Variants in MARK1 observed in about 807,000 individuals in gnomAD.
The protein encoded by MARK1 is serine/threonine-protein kinase MARK1.
Under a neutral mutation model 96.3 loss-of-function variants are expected in MARK1, and 40 were observed. The observed-to-expected ratio is 0.42, with a 90% CI of 0.32 to 0.54. The LOEUF (loss-of-function observed/expected upper bound fraction) is 0.54, where lower values mean the gene tolerates loss of function less well. MARK1 is among the 20% of genes least tolerant of loss of function. The pLI, the probability that MARK1 is intolerant of heterozygous loss-of-function variation, is 0.16. For synonymous variants in MARK1, 317 were observed against 341.2 expected (o/e 0.93, Z 0.78); for missense variants, 719 against 984.6 (o/e 0.73, Z 3.61).
At position 220,528,768 on chromosome 1, in the gene MARK1, C is replaced by A. The variant is rs1406816837; in HGVS notation, c.-55C>A. ...ACCCCTTTCCTGTCGCCCCCCGGGGCCCGCACCACAGCCCGGCCGGCGAGA... is the reference window on the plus strand; with the variant it reads ...ACCCCTTTCCTGTCGCCCCCCGGGGACCGCACCACAGCCCGGCCGGCGAGA... On this transcript the variant is annotated 5_prime_UTR_variant, in exon 1 of 18. Transcript: ENST00000366917. 2.0e-6 allele frequency: 3 copies of A among 1,519,864 alleles called. No individual in the cohort carries two copies. Among genetic ancestry groups the A allele is most frequent in the Admixed American group, 2.0e-5 (1 of 50,202 alleles). The allele number at this position is 1,519,864 out of a possible 1,614,324, so 94.1% of individuals were successfully genotyped here.
chr1:220,645,364 G>A (rs1668523015), intron 13 of MARK1, among the ~76,000 whole-genome samples: 1 of 152,010 alleles, frequency 6.6e-6, no homozygotes, highest in Non-Finnish European at 1.5e-5. Context: ...AGACTGAAAG[G>A]AATAGCTTGA....
At chr1:220,615,511 T>C (rs2102960942) in intron 6 of MARK1, among the ~76,000 whole-genome samples, 1 of 152,306 alleles carries the variant, frequency 6.6e-6, no homozygotes, top group East Asian at 1.9e-4. Flanking sequence ...TTGAACACAT[T>C]TGATGTAATT....
chr1:220,595,990 A>G (rs1183401464), intron 3 of MARK1, among the ~76,000 whole-genome samples: 1 of 152,222 alleles, frequency 6.6e-6, no homozygotes, highest in Non-Finnish European at 1.5e-5. Context: ...GAAAACCAGT[A>G]TCAAATTTGA....
At chr1:220,626,109 TA>T in intron 9 of MARK1, 1 of 614,852 alleles carries the variant, frequency 1.6e-6, no homozygotes, top group Non-Finnish European at 3.1e-6. Flanking sequence ...TGAAACTTAA[TA>T]AGCAGCAGAT....
chr1:220,570,254 G>C (rs982618340), intron 1 of MARK1, among the ~76,000 whole-genome samples: 6 of 152,020 alleles, frequency 3.9e-5, no homozygotes, highest in African/African-American at 7.2e-5. Flanking sequence ...GAATGCGAAA[G>C]GATGAGTGAA....
At chr1:220,550,023 G>C (rs528510202) in intron 1 of MARK1, among the ~76,000 whole-genome samples, 1 of 152,302 alleles carries the variant, frequency 6.6e-6, no homozygotes, top group African/African-American at 2.4e-5. Context: ...CTAAATTCAT[G>C]TTCTTTGGGC....
At chr1:220,605,489 T>C (rs892624236) in intron 6 of MARK1, among the ~76,000 whole-genome samples, 3 of 151,528 alleles carry the variant, frequency 2.0e-5, no homozygotes, top group Non-Finnish European at 4.4e-5. Context: ...TTATTTATTT[T>C]ATTTTATTTT....
At chr1:220,630,759 T>C (rs1667638982) in intron 9 of MARK1, among the ~76,000 whole-genome samples, 5 of 152,208 alleles carry the variant, frequency 3.3e-5, no homozygotes, top group Admixed American at 3.3e-4. Flanking sequence ...AAGTAAATTC[T>C]TATGTTAAAA....
chr1:220,595,979 G>A (rs149943501), intron 3 of MARK1, among the ~76,000 whole-genome samples: 1 of 152,288 alleles, frequency 6.6e-6, no homozygotes, highest in Non-Finnish European at 1.5e-5. Context: ...ATGGAGCTGG[G>A]GAAAACCAGT....
At chr1:220,573,011 G>A (rs1003188111) in intron 1 of MARK1, among the ~76,000 whole-genome samples, 1 of 152,086 alleles carries the variant, frequency 6.6e-6, no homozygotes, top group Non-Finnish European at 1.5e-5. Context: ...GTTGCCATTT[G>A]TATTGTTATT....
At chr1:220,604,002 A>G in intron 5 of MARK1, 65 bp from the exon 6 acceptor site, 2 of 970,058 alleles carry the variant, frequency 2.1e-6, no homozygotes, top group East Asian at 2.5e-5. Context: ...AAAACTTGAC[A>G]TTGCATATAT....
At chr1:220,545,706 C>T (rs1661447564) in intron 1 of MARK1, among the ~76,000 whole-genome samples, 1 of 152,044 alleles carries the variant, frequency 6.6e-6, no homozygotes, top group Non-Finnish European at 1.5e-5. Flanking sequence ...TCCCAAATTG[C>T]TGAAATTACA....
chr1:220,570,309 A>G (rs938773070), intron 1 of MARK1, among the ~76,000 whole-genome samples: 1 of 152,060 alleles, frequency 6.6e-6, no homozygotes, highest in Non-Finnish European at 1.5e-5. Flanking sequence ...ATTATTAAGG[A>G]TGTTTCCTGT....
intron 7 of MARK1, 48 bp downstream of exon 7, chr1:220,616,043 AC>A: frequency 2.0e-5 from 19 of 928,486 alleles, no homozygotes; most frequent in Non-Finnish European, 3.2e-5. Flanking sequence ...GTTATTATTA[AC>A]ATATATTTAA....
At chr1:220,599,200 A>G (rs1665578762) in intron 4 of MARK1, among the ~76,000 whole-genome samples, 4 of 152,184 alleles carry the variant, frequency 2.6e-5, no homozygotes, top group Admixed American at 2.6e-4. Context: ...GATTAGATAT[A>G]TTATTATATG....
At chr1:220,533,801 A>G (rs1660491794) in intron 1 of MARK1, among the ~76,000 whole-genome samples, 1 of 151,982 alleles carries the variant, frequency 6.6e-6, no homozygotes, top group Admixed American at 6.6e-5. Context: ...ATGTTACCTT[A>G]CCTCTGTTCT....
intron 3 of MARK1, among the ~76,000 whole-genome samples, chr1:220,583,653 CT>C (rs397966746): frequency 2.3e-3 from 319 of 139,646 alleles, no homozygotes; most frequent in Middle Eastern, 3.6e-3. Flanking sequence ...TTCCTGGGTT[CT>C]TTTTTTTTTT....
At chr1:220,530,858 C>T (rs1660266926) in intron 1 of MARK1, among the ~76,000 whole-genome samples, 1 of 152,072 alleles carries the variant, frequency 6.6e-6, no homozygotes, top group Non-Finnish European at 1.5e-5. Context: ...CTTACTTTAC[C>T]CACACCTTAT....
chr1:220,583,814 ATTT>A (rs34848222), intron 3 of MARK1, among the ~76,000 whole-genome samples: 2 of 105,204 alleles, frequency 1.9e-5, no homozygotes, highest in African/African-American at 3.6e-5. Context: ...TGCCTGGCTA[ATTT>A]TTTTTTTTTT....
Sources: gnomAD v4.1 joint callset for allele counts (sites outside exome capture counted in the v4.1 genomes callset) on GRCh38, gnomAD v4.1.1 for gene constraint, MANE v1.5 for transcripts, NCBI Gene and HGNC (gene_info 2026-07-23, HGNC 2026-07-21) for gene names.